The following GYPC variants were observed in gnomAD, a reference collection of about 807,000 sequenced individuals.
GYPC encodes glycophorin-C.
In GYPC, 14 loss-of-function variants were observed where a neutral mutation model predicts 12.6. That is an observed-to-expected ratio of 1.11 (90% confidence interval 0.74 to 1.74). GYPC has a LOEUF of 1.74. Ranked by LOEUF, GYPC falls within the 40% of genes most tolerant of loss-of-function variation. The probability of loss-of-function intolerance (pLI) is 0.00; values close to 1 mark genes in which losing one functional copy is unlikely to be tolerated. For synonymous variants in GYPC, 78 were observed against 62.1 expected (o/e 1.26, Z -1.20); for missense variants, 225 against 172.1 (o/e 1.31, Z -1.72).
At chr2:126,686,665 CG>C (rs1683300364) in intron 1 of GYPC, 3 of 984,942 alleles carry the variant, frequency 3.0e-6, no homozygotes, top group Non-Finnish European at 2.4e-6. Flanking sequence ...TGCAGGGGGC[CG>C]GGGGGACCTT....
rs558231443 is a variant in GYPC, at chr2:126,682,406, G to A, written c.50-7849G>A. Among the ~76,000 whole-genome samples, 1,068 of 152,184 alleles carry A rather than the reference G, an allele frequency of 7.0e-3. 8 individuals carry two copies. Among genetic ancestry groups the A allele is most frequent in the Non-Finnish European group, 0.011 (751 of 67,992 alleles). On this transcript the variant is annotated intron_variant, in intron 1 of 3. Transcript: ENST00000259254. ...CCCGGCACAAGGGCCCCAAATCCCTGAACCCAGCACCAGGCATGGGGGTAG... is the reference window on the plus strand; with the variant it reads ...CCCGGCACAAGGGCCCCAAATCCCTAAACCCAGCACCAGGCATGGGGGTAG...
At chr2:126,663,969 TC>T (rs1682612935) in intron 1 of GYPC, among the ~76,000 whole-genome samples, 1 of 67,114 alleles carries the variant, frequency 1.5e-5, no homozygotes, top group Admixed American at 2.2e-4. Flanking sequence ...TCTCTCTCTC[TC>T]TCTCTCTCTC....
intron 1 of GYPC, among the ~76,000 whole-genome samples, chr2:126,663,950 GTCTCTCTCTC>G (rs61649506): frequency 0.1 from 13,466 of 129,612 alleles, 907 homozygotes; most frequent in Middle Eastern, 0.18. Flanking sequence ...TAAGGTTCTG[GTCTCTCTCTC>G]TCTCTCTCTC....
intron 1 of GYPC, among the ~76,000 whole-genome samples, chr2:126,660,399 C>T (rs1272314412): frequency 6.6e-6 from 1 of 152,228 alleles, no homozygotes; most frequent in Non-Finnish European, 1.5e-5. Flanking sequence ...TTTCCAGCTG[C>T]ACCTCTCACA....
chr2:126,678,833 GGCA>G (rs1683082648), intron 1 of GYPC: 1 of 152,256 alleles, frequency 6.6e-6, no homozygotes, highest in African/African-American at 2.4e-5. Context: ...TGAGTTTCCA[GGCA>G]GCAGAATGTT....
chr2:126,682,801 C>G (rs967459487), intron 1 of GYPC, among the ~76,000 whole-genome samples: 1 of 152,204 alleles, frequency 6.6e-6, no homozygotes. Context: ...TGCCTGCTGA[C>G]CCCAGACACC....
intron 1 of GYPC, among the ~76,000 whole-genome samples, chr2:126,687,610 C>T (rs964175247): frequency 6.6e-6 from 1 of 152,200 alleles, no homozygotes; most frequent in Non-Finnish European, 1.5e-5. Flanking sequence ...CAGCTCCACA[C>T]ACTTGGTGGG....
At chr2:126,692,694 T>C (rs397832497) in intron 2 of GYPC, among the ~76,000 whole-genome samples, 20 of 152,144 alleles carry the variant, frequency 1.3e-4, no homozygotes, top group South Asian at 1.2e-3. Flanking sequence ...TTTGGCCAGG[T>C]CATTAAGCTG....
At chr2:126,689,888 CACAA>C (rs1003687560) in intron 1 of GYPC, among the ~76,000 whole-genome samples, 12 of 152,212 alleles carry the variant, frequency 7.9e-5, no homozygotes, top group African/African-American at 2.7e-4. Context: ...TCAGACACTC[CACAA>C]ACATTCTTTC....
chr2:126,661,262 G>A (rs1042457648), intron 1 of GYPC, among the ~76,000 whole-genome samples: 2 of 151,958 alleles, frequency 1.3e-5, no homozygotes, highest in Admixed American at 6.6e-5. Flanking sequence ...TGCCTGCCTC[G>A]CCTGGCATCC....
intron 2 of GYPC, among the ~76,000 whole-genome samples, chr2:126,693,611 T>G (rs542005053): frequency 2.6e-5 from 4 of 152,176 alleles, no homozygotes; most frequent in East Asian, 1.9e-4. Context: ...ATTAGGCAGA[T>G]AACTCAAATG....
intron 1 of GYPC, among the ~76,000 whole-genome samples, chr2:126,677,800 C>G (rs1335533692): frequency 6.6e-6 from 1 of 152,194 alleles, no homozygotes; most frequent in East Asian, 1.9e-4. Context: ...AAAACGCATG[C>G]TCCCTATGCC....
At chr2:126,670,366 G>T (rs1298484935) in intron 1 of GYPC, among the ~76,000 whole-genome samples, 1 of 152,196 alleles carries the variant, frequency 6.6e-6, no homozygotes, top group African/African-American at 2.4e-5. Flanking sequence ...TCACAGAGGG[G>T]CACAAAGAGC....
intron 2 of GYPC, 62 bp from the exon 3 acceptor site, chr2:126,693,802 A>T: frequency 8.9e-7 from 1 of 1,121,096 alleles, no homozygotes; most frequent in Non-Finnish European, 1.4e-6. Context: ...GCTTGGGCCA[A>T]GGTGCTGCTA....
In GYPC at chr2:126,689,902, C is replaced by G. The variant is rs145649458; in HGVS notation, c.50-353C>G. Among the ~76,000 whole-genome samples the G allele has an allele frequency of 0.012, 1,815 of 152,348 alleles. 123 individuals are homozygous for G. In the East Asian group the frequency reaches 0.18, roughly 15 times the overall value. On this transcript the variant is annotated intron_variant, in intron 1 of 3. Coordinates refer to ENST00000259254, the MANE Select transcript of GYPC (RefSeq NM_002101.5). ...ATCAGACACTCCACAAACATTCTTTCTTAAACACAACAAGAGTCCCTGCCT... is the reference window on the plus strand; with the variant it reads ...ATCAGACACTCCACAAACATTCTTTGTTAAACACAACAAGAGTCCCTGCCT...
intron 1 of GYPC, among the ~76,000 whole-genome samples, chr2:126,666,149 A>G (rs373317880): frequency 6.6e-6 from 1 of 152,204 alleles, no homozygotes; most frequent in African/African-American, 2.4e-5. Flanking sequence ...TCAGAGTGGT[A>G]CACAAGGGCT....
intron 2 of GYPC, 133 bp downstream of exon 2, chr2:126,690,444 AC>A (rs1683427313): frequency 1.3e-6 from 1 of 750,394 alleles, no homozygotes; most frequent in African/African-American, 1.7e-5. Context: ...TGACCTAAGG[AC>A]TTGGACAGGG....
chr2:126,685,019 G>A (rs747811963), intron 1 of GYPC, among the ~76,000 whole-genome samples: 3 of 152,142 alleles, frequency 2.0e-5, no homozygotes, highest in Non-Finnish European at 2.9e-5. Context: ...AAATGGATGC[G>A]TGGGTAATAA....
chr2:126,682,882 C>G (rs1407492043), intron 1 of GYPC, among the ~76,000 whole-genome samples: 4 of 152,204 alleles, frequency 2.6e-5, no homozygotes, highest in African/African-American at 9.7e-5. Context: ...GACGTAAGAG[C>G]CACTAGAATC....
Sources: gnomAD v4.1 joint callset for allele counts (sites outside exome capture counted in the v4.1 genomes callset) on GRCh38, gnomAD v4.1.1 for gene constraint, MANE v1.5 for transcripts, NCBI Gene and HGNC (gene_info 2026-07-23, HGNC 2026-07-21) for gene names.